The following TSEN54 variants were observed in gnomAD, a reference collection of about 807,000 sequenced individuals.
TSEN54 encodes tRNA splicing endonuclease subunit 54.
A neutral mutation model predicts 61.9 loss-of-function variants in TSEN54; 55 were observed. The observed-to-expected ratio is 0.89, with a 90% CI of 0.72 to 1.11. The LOEUF is 1.11. Ranked by LOEUF, TSEN54 falls within the 50% of genes most tolerant of loss-of-function variation. The probability of loss-of-function intolerance (pLI) is 0.00; values close to 1 mark genes in which losing one functional copy is unlikely to be tolerated. For synonymous variants in TSEN54, 304 were observed against 288.7 expected, an observed-to-expected ratio of 1.05 and a Z score of -0.54; for missense variants, 760 against 687.7, an observed-to-expected ratio of 1.11 and a Z score of -1.18.
rs941717837 is a variant in TSEN54, at chr17:75,518,758, T to C, written c.469-237T>C. The C allele has an allele frequency of 8.1e-6, 8 of 985,278 alleles. No homozygotes were observed. The Admixed American group carries it at 1.8e-4, about 23-fold the overall frequency. The allele number at this position is 985,278 out of a possible 1,614,324, so 61.0% of individuals were successfully genotyped here. A position where few individuals can be genotyped will look rare whatever the true frequency, so the allele number is the denominator to read the frequency against. On this transcript the variant is annotated intron_variant, in intron 5 of 10. Transcript: ENST00000333213. ...TTTCATGGCTATCAGTTTTTTTGGA[T>C]TTGGCTAAATGTCATTTGTGCCGAG... is the stretch of plus-strand genomic sequence containing the variant.
At chr17:75,520,447 G>A (rs2053415880) in intron 6 of TSEN54, among the ~76,000 whole-genome samples, 3 of 150,970 alleles carry the variant, frequency 2.0e-5, no homozygotes, top group Non-Finnish European at 3.0e-5. Context: ...TCAGCCAGGT[G>A]TGGTGGCAGG....
Position 75,524,313 on chromosome 17 carries a change from G to C in TSEN54, c.1482G>C (p.Gln494His), listed in dbSNP as rs762435393. ...DLCSLKRLSY[Q>H]SGDVPLIFAL... ...GCAGCCTCAAGCGGTTGTCTTACCAGAGTGGGGATGTCCCTCTGATCTTTG... is the reference window on the plus strand; with the variant it reads ...GCAGCCTCAAGCGGTTGTCTTACCACAGTGGGGATGTCCCTCTGATCTTTG... The change falls in exon 11 of 11, where the codon CAG becomes CAC. Residue 494 changes from glutamine (Q) to histidine (H), a missense_variant. This residue lies in a region of TSEN54 where 83 missense variants were observed against 82.9 expected (regional missense o/e 1.00). Transcript: ENST00000333213. 2 of 1,614,192 alleles carry C rather than the reference G, an allele frequency of 1.2e-6. No homozygotes were observed. The highest frequency in any genetic ancestry group is 2.2e-5 in the South Asian group (2 of 91,090).
chr17:75,520,386 G>C (rs1028047746), intron 6 of TSEN54, among the ~76,000 whole-genome samples: 1 of 149,098 alleles, frequency 6.7e-6, no homozygotes. Context: ...CCTGGACAGC[G>C]TGGTGAAACC....
rs1258449330 is a variant in TSEN54 at position 75,516,747 on chromosome 17, G to T, written c.58G>T (p.Ala20Ser). 3.2e-6 allele frequency: 5 copies of T among 1,559,426 alleles called. No individual in the cohort carries two copies. Among genetic ancestry groups the T allele is most frequent in the Non-Finnish European group, 4.3e-6 (5 of 1,161,340 alleles). The stretch of plus-strand genomic sequence containing the variant: ...ACCCCGCGTCCCCTTCTCCCCCAGC[G>T]CCCGGGAGCTCTTCGCCGCCCGCTC... ...VEVPAGRVLS[A>S]RELFAARSRS... Residue 20 changes from alanine to serine, a missense_variant and splice_region_variant, in exon 2 of 11, where the codon GCC becomes TCC. This residue lies in a region of TSEN54 where 667 missense variants were observed against 577.8 expected (regional missense o/e 1.15). Coordinates refer to ENST00000333213, the MANE Select transcript of TSEN54 (RefSeq NM_207346.3).
chr17:75,520,838 CG>C (rs1219135588), intron 6 of TSEN54, among the ~76,000 whole-genome samples: 1 of 151,662 alleles, frequency 6.6e-6, no homozygotes, highest in Non-Finnish European at 1.5e-5. Context: ...CCTGTAGTCC[CG>C]GTACTACTCG....
chr17:75,519,707 C>T (rs1206988314), intron 6 of TSEN54, among the ~76,000 whole-genome samples: 2 of 152,162 alleles, frequency 1.3e-5, no homozygotes, highest in Non-Finnish European at 2.9e-5. Flanking sequence ...GGATTACAGG[C>T]GTGTGCCACC....
rs745328225 is a variant in TSEN54 at position 75,524,473 on chromosome 17, GA to G, written c.*62del. The G allele has an allele frequency of 1.0e-5, 16 of 1,606,334 alleles. No individual in the cohort carries two copies. The highest frequency in any genetic ancestry group is 1.7e-5 in the Admixed American group (1 of 59,986). On this transcript the variant is annotated 3_prime_UTR_variant, in exon 11 of 11. Transcript: ENST00000333213. The stretch of plus-strand genomic sequence containing the variant: ...GGGACCGGGACTGTCTGTTCTCAGG[GA>G]CCATCTCGGCTGCCTCCTGTACCCA...
chr17:75,518,201 A>AACATCC (rs947349795), intron 5 of TSEN54, among the ~76,000 whole-genome samples: 1 of 152,226 alleles, frequency 6.6e-6, no homozygotes, highest in Admixed American at 6.5e-5. Context: ...AAGTGAGTGT[A>AACATCC]AAGCAGACAG....
chr17:75,516,634 C>T lies in TSEN54; in HGVS notation c.56+18C>T, dbSNP rs2053369112. On this transcript the variant is annotated intron_variant, in intron 1 of 10. Coordinates refer to ENST00000333213, the MANE Select transcript of TSEN54 (RefSeq NM_207346.3). ...GTGCTCAGGTGCGGCGCGGCCCGGCCGGAGTGGGTGTCGGGGGCGCGGGGC... is the reference window on the plus strand; with the variant it reads ...GTGCTCAGGTGCGGCGCGGCCCGGCTGGAGTGGGTGTCGGGGGCGCGGGGC... 2 of 1,211,000 alleles carry T rather than the reference C, an allele frequency of 1.7e-6. No homozygotes were observed. Among genetic ancestry groups the T allele is most frequent in the Admixed American group, 4.4e-5 (1 of 22,480 alleles). The allele number at this position is 1,211,000 out of a possible 1,614,324, so 75.0% of individuals were successfully genotyped here.
At position 75,524,354 on chromosome 17, in the gene TSEN54, G is replaced by A. The variant is rs200275380; in HGVS notation, c.1523G>A (p.Gly508Asp). Residue 508 changes from glycine (G) to aspartate (D), a missense_variant, in exon 11 of 11, where the codon GGT (glycine) becomes GAT (aspartate). Gly to Asp is a moderately conservative substitution (Grantham distance 94). Around this residue, in one of 3 missense-constraint regions of TSEN54, gnomAD observed 83 missense variants for 82.9 expected, o/e 1.00. Transcript: ENST00000333213. ...CTGATCTTTGCCCTGGTGGATCATG[G>A]TGACATCTCCTTCTACAGCTTCAGG... ...VPLIFALVDH[G>D]DISFYSFRDF... is the part of the protein sequence containing the mutation. 1.9e-6 allele frequency: 3 copies of A among 1,614,050 alleles called. No homozygotes were observed. The highest frequency in any genetic ancestry group is 2.5e-6 in the Non-Finnish European group (3 of 1,180,044).
chr17:75,521,078 T>C, intron 6 of TSEN54, among the ~76,000 whole-genome samples: 1 of 152,118 alleles, frequency 6.6e-6, no homozygotes, highest in East Asian at 1.9e-4. Context: ...GCTAGTACAA[T>C]GACATTTTTG....
chr17:75,517,089 G>T lies in TSEN54; in HGVS notation c.285+17G>T. ...TCTCCCGCGGTGAGCGGCGGGCTCG[G>T]GGACCGGGGACCGCCCTCCCTGCCC... On this transcript the variant is annotated intron_variant, in intron 3 of 10. Coordinates refer to ENST00000333213, the MANE Select transcript of TSEN54 (RefSeq NM_207346.3). 6.3e-7 allele frequency: 1 copy of T among 1,582,764 alleles called. No homozygotes were observed. The highest frequency in any genetic ancestry group is 8.6e-7 in the Non-Finnish European group (1 of 1,166,766).
intron 5 of TSEN54, chr17:75,518,371 G>A (rs955810490): frequency 4.3e-6 from 1 of 233,334 alleles, no homozygotes; most frequent in Non-Finnish European, 7.0e-6. Context: ...TGTAGGTTAG[G>A]GGGCAGATAA....
In TSEN54 at chr17:75,519,028, G is replaced by C. The variant is rs1232968626; in HGVS notation, c.502G>C (p.Val168Leu). The C allele has an allele frequency of 1.9e-6, 3 of 1,613,904 alleles. No homozygotes were observed. The stretch of plus-strand genomic sequence containing the variant: ...CCACCTGAAGAGGTTGGGTTATGTG[G>C]TTCGACGATTCCAACCAAGGTAAAT... ...FSHLKRLGYVVRRFQPSSVLS... is the reference protein window; with the variant it reads ...FSHLKRLGYVLRRFQPSSVLS... Residue 168 changes from valine to leucine, a missense_variant, in exon 6 of 11, where the codon GTT becomes CTT. By Grantham distance (32) the Val-to-Leu change is conservative (BLOSUM62 1). This residue lies in a region of TSEN54 where 667 missense variants were observed against 577.8 expected (regional missense o/e 1.15). Coordinates refer to ENST00000333213, the MANE Select transcript of TSEN54 (RefSeq NM_207346.3).
In TSEN54 at chr17:75,521,976, G is replaced by A; in HGVS notation, c.895G>A (p.Glu299Lys). 3 of 1,607,770 alleles carry A rather than the reference G, an allele frequency of 1.9e-6. No homozygotes were observed. Among genetic ancestry groups the A allele is most frequent in the East Asian group, 2.2e-5 (1 of 44,472 alleles). Residue 299 changes from glutamate to lysine, a missense_variant, in exon 8 of 11, where the codon GAG becomes AAG. Physicochemically the swap from Glu to Lys is moderately conservative, Grantham distance 56 (BLOSUM62 1). Around this residue, in one of 3 missense-constraint regions of TSEN54, gnomAD observed 667 missense variants for 577.8 expected, o/e 1.15. Coordinates refer to ENST00000333213, the MANE Select transcript of TSEN54 (RefSeq NM_207346.3). ...AGCCGGTAAGCGGCGCTGGAACTTC[G>A]AGCAGATCTCCTTCCCCAACATGGC... ...TGAGKRRWNF[E>K]QISFPNMASD...
Position 75,517,056 on chromosome 17 carries a change from A to G in TSEN54, c.269A>G (p.Glu90Gly). The G allele has an allele frequency of 6.3e-7, 1 of 1,597,072 alleles. No homozygotes were observed. ...AEWRPEEGFV[E>G]LKSPAGKFWQ... ...TGGAGGCCAGAAGAGGGCTTCGTGGAGTTGAAGTCTCCCGCGGTGAGCGGC... is the reference window on the plus strand; with the variant it reads ...TGGAGGCCAGAAGAGGGCTTCGTGGGGTTGAAGTCTCCCGCGGTGAGCGGC... The change falls in exon 3 of 11, where the codon GAG becomes GGG. Residue 90 changes from glutamate (E) to glycine (G), a missense_variant. Physicochemically the swap from Glu to Gly is moderately conservative, Grantham distance 98. This residue lies in a region of TSEN54 where 667 missense variants were observed against 577.8 expected (regional missense o/e 1.15). Transcript: ENST00000333213.
intron 4 of TSEN54, 37 bp downstream of exon 4, chr17:75,517,281 C>G (rs367834977): frequency 6.4e-7 from 1 of 1,563,018 alleles, no homozygotes; most frequent in Admixed American, 1.9e-5. Flanking sequence ...GGAGTTGGGA[C>G]CAAAGAACGG....
At chr17:75,523,865 C>G in intron 10 of TSEN54, 86 bp downstream of exon 10, 2 of 1,442,788 alleles carry the variant, frequency 1.4e-6, no homozygotes, top group Non-Finnish European at 1.9e-6. Context: ...CTCCCCTGGC[C>G]AGCGTGCCAA....
In TSEN54 at chr17:75,524,474, A is replaced by C. The variant is rs1381396488; in HGVS notation, c.*62A>C. On this transcript the variant is annotated 3_prime_UTR_variant, in exon 11 of 11. Coordinates refer to ENST00000333213, the MANE Select transcript of TSEN54 (RefSeq NM_207346.3). ...GGACCGGGACTGTCTGTTCTCAGGG[A>C]CCATCTCGGCTGCCTCCTGTACCCA... 1 of 1,606,004 alleles carries C rather than the reference A, an allele frequency of 6.2e-7. No homozygotes were observed.
Sources: allele counts gnomAD v4.1 joint callset (sites outside exome capture counted in the v4.1 genomes callset), GRCh38; gene constraint gnomAD v4.1.1; regional missense constraint gnomAD v4.1.1; transcripts MANE v1.5; gene names NCBI Gene and HGNC (gene_info 2026-07-23, HGNC 2026-07-21).